PTPN14: variants seen among roughly 807,000 people sequenced by gnomAD.
PTPN14 encodes the protein protein tyrosine phosphatase non-receptor type 14, also known as tyrosine-protein phosphatase non-receptor type 14.
PTPN14 carries 53 observed loss-of-function variants against 126.8 expected under a neutral mutation model. The observed-to-expected ratio is 0.42, with a 90% CI of 0.34 to 0.53. The LOEUF (loss-of-function observed/expected upper bound fraction) is 0.53, where lower values mean the gene tolerates loss of function less well. Among genes scored for constraint, PTPN14 ranks in the 20% least tolerant of loss-of-function variants. The pLI is 0.08. For synonymous variants in PTPN14, 630 were observed against 599.3 expected, an observed-to-expected ratio of 1.05 and a Z score of -0.75; for missense variants, 1,257 against 1,552.9, an observed-to-expected ratio of 0.81 and a Z score of 3.20.
Position 214,378,023 on chromosome 1 carries a change from A to C in PTPN14, c.2624T>G (p.Val875Gly). ...CTCTTCCCGCCCTGAGACTCGAGCCACCGAGAGCCCATTCAATGCTGCCAA... is the reference window on the plus strand; with the variant it reads ...CTCTTCCCGCCCTGAGACTCGAGCCCCCGAGAGCCCATTCAATGCTGCCAA... ...LMLAALNGLS[V>G]ARVSGREENR... The change falls in exon 14 of 19, where the codon GTG becomes GGG. Residue 875 changes from valine (V) to glycine (G), a missense_variant. Coordinates refer to ENST00000366956, the MANE Select transcript of PTPN14 (RefSeq NM_005401.5). 6.2e-7 allele frequency: 1 copy of C among 1,613,162 alleles called. No homozygotes were observed. The highest frequency in any genetic ancestry group is 1.1e-5 in the South Asian group (1 of 91,062).
intron 1 of PTPN14, among the ~76,000 whole-genome samples, chr1:214,486,403 G>C (rs1224139703): frequency 6.6e-6 from 1 of 152,158 alleles, no homozygotes; most frequent in African/African-American, 2.4e-5. Flanking sequence ...CCATCTTCCA[G>C]AATATCTTAA....
Position 214,357,118 on chromosome 1 carries a change from A to G in PTPN14, c.*804T>C, listed in dbSNP as rs202202833. The stretch of plus-strand genomic sequence containing the variant: ...GTCCTACTGAGCAAACAGGAGAGGT[A>G]GCAACAAATACCCAAGGTACAGTCG... On this transcript the variant is annotated 3_prime_UTR_variant, in exon 19 of 19. Coordinates refer to ENST00000366956, the MANE Select transcript of PTPN14 (RefSeq NM_005401.5). 6.6e-6 allele frequency: 1 copy of G among 152,360 alleles called. No individual in the cohort carries two copies. Among genetic ancestry groups the G allele is most frequent in the East Asian group, 1.9e-4 (1 of 5,180 alleles). The allele number at this position is 152,360 out of a possible 1,614,324, so 9.4% of individuals were successfully genotyped here.
At chr1:214,441,823 A>G (rs924039043) in intron 3 of PTPN14, among the ~76,000 whole-genome samples, 23 of 152,342 alleles carry the variant, frequency 1.5e-4, no homozygotes, top group African/African-American at 4.8e-4. Context: ...TATTCTACTC[A>G]AGCTTTAGAA....
chr1:214,423,854 G>A (rs1034705328), intron 3 of PTPN14, among the ~76,000 whole-genome samples: 13 of 152,064 alleles, frequency 8.5e-5, no homozygotes, highest in Non-Finnish European at 1.3e-4. Flanking sequence ...GGTGGCTCAC[G>A]CCTGTAATTC....
At chr1:214,509,114 A>G (rs1458025854) in intron 1 of PTPN14, among the ~76,000 whole-genome samples, 3 of 152,192 alleles carry the variant, frequency 2.0e-5, no homozygotes, top group African/African-American at 7.2e-5. Context: ...ATCAGCTGCA[A>G]TAGCCCCTAA....
At chr1:214,414,070 A>T (rs1659369855) in intron 4 of PTPN14, among the ~76,000 whole-genome samples, 1 of 152,230 alleles carries the variant, frequency 6.6e-6, no homozygotes, top group Non-Finnish European at 1.5e-5. Context: ...ATAAAGTCCC[A>T]CACATAACAA....
At chr1:214,454,095 G>A (rs1361460606) in intron 2 of PTPN14, among the ~76,000 whole-genome samples, 5 of 152,156 alleles carry the variant, frequency 3.3e-5, no homozygotes, top group Non-Finnish European at 7.3e-5. Context: ...GGATGCCTAG[G>A]AGTGAGTCTC....
chr1:214,532,998 G>A (rs1329254262), intron 1 of PTPN14: 4 of 758,052 alleles, frequency 5.3e-6, no homozygotes, highest in Non-Finnish European at 2.4e-6. Context: ...GGTCTGAGCG[G>A]ACTGAGGAGA....
intron 1 of PTPN14, among the ~76,000 whole-genome samples, chr1:214,513,757 T>C (rs757913627): frequency 3.1e-4 from 47 of 152,214 alleles, no homozygotes; most frequent in Admixed American, 7.2e-4. Context: ...TCTCGATCGG[T>C]AAAATGGGGG....
chr1:214,373,181 A>G (rs1658259835), intron 15 of PTPN14, among the ~76,000 whole-genome samples: 1 of 152,202 alleles, frequency 6.6e-6, no homozygotes, highest in Non-Finnish European at 1.5e-5. Context: ...CAGAATCCCA[A>G]GGAGCTGGGA....
At chr1:214,484,832 G>A (rs1477517286) in intron 1 of PTPN14, among the ~76,000 whole-genome samples, 1 of 152,212 alleles carries the variant, frequency 6.6e-6, no homozygotes, top group East Asian at 1.9e-4. Flanking sequence ...GTCTTCAGGG[G>A]AAGCAAAAGT....
intron 1 of PTPN14, chr1:214,483,379 C>T (rs1218929304): frequency 1.6e-5 from 26 of 1,609,876 alleles, no homozygotes; most frequent in Non-Finnish European, 2.1e-5. Context: ...TTAGGATCGC[C>T]TTGATCATGG....
At chr1:214,416,354 T>C (rs899256532) in intron 3 of PTPN14, among the ~76,000 whole-genome samples, 1 of 152,210 alleles carries the variant, frequency 6.6e-6, no homozygotes, top group Non-Finnish European at 1.5e-5. Flanking sequence ...GAGATGAAAA[T>C]GATCAGCTAA....
At chr1:214,507,254 T>C (rs540804914) in intron 1 of PTPN14, among the ~76,000 whole-genome samples, 1 of 152,306 alleles carries the variant, frequency 6.6e-6, no homozygotes, top group South Asian at 2.1e-4. Context: ...CTCTGGCATG[T>C]TGCAGGGATT....
chr1:214,402,662 G>GAAGT, intron 6 of PTPN14, among the ~76,000 whole-genome samples: 1 of 128,062 alleles, frequency 7.8e-6, no homozygotes, highest in Non-Finnish European at 1.7e-5. Flanking sequence ...AGGAAGGAAG[G>GAAGT]AAGGAAGGAA....
At chr1:214,541,652 T>C (rs1288588849) in intron 1 of PTPN14, among the ~76,000 whole-genome samples, 1 of 152,196 alleles carries the variant, frequency 6.6e-6, no homozygotes, top group Admixed American at 6.5e-5. Flanking sequence ...TGATGGTGAT[T>C]TACCTGTCCA....
chr1:214,372,626 G>A, intron 16 of PTPN14, 85 bp downstream of exon 16: 1 of 1,590,534 alleles, frequency 6.3e-7, no homozygotes, highest in Non-Finnish European at 8.6e-7. Flanking sequence ...GAAGGATAGG[G>A]TAGCAAAGTT....
chr1:214,471,699 C>T (rs10158378), intron 1 of PTPN14, among the ~76,000 whole-genome samples: 13,939 of 152,164 alleles, frequency 0.092, 653 homozygotes, highest in South Asian at 0.12. Flanking sequence ...AAAAACTGAC[C>T]GAGTAGAATG....
At chr1:214,417,893 A>G (rs2102589307) in intron 3 of PTPN14, among the ~76,000 whole-genome samples, 1 of 152,292 alleles carries the variant, frequency 6.6e-6, no homozygotes. Context: ...AGAGCCATGT[A>G]AAACGGTTAA....
Sources: gnomAD v4.1 joint callset for allele counts (sites outside exome capture counted in the v4.1 genomes callset) on GRCh38, gnomAD v4.1.1 for gene constraint, MANE v1.5 for transcripts, NCBI Gene and HGNC (gene_info 2026-07-23, HGNC 2026-07-21) for gene names.